The following DIXDC1 variants were observed in gnomAD, a reference collection of about 807,000 sequenced individuals.
DIXDC1 encodes the protein dixin.
A neutral mutation model predicts 103.1 loss-of-function variants in DIXDC1; 64 were observed. That is an observed-to-expected ratio of 0.62 (90% CI 0.51 to 0.76). The LOEUF (loss-of-function observed/expected upper bound fraction) is 0.76, where lower values mean the gene tolerates loss of function less well. Ranked by LOEUF, DIXDC1 falls within the 30% of genes least tolerant of loss-of-function variation. The pLI, the probability that DIXDC1 is intolerant of heterozygous loss-of-function variation, is 0.00. For missense variants in DIXDC1, 759 were observed against 834.2 expected, an observed-to-expected ratio of 0.91 and a Z score of 1.11; for synonymous variants, 266 against 298.5, an observed-to-expected ratio of 0.89 and a Z score of 1.12.
At chr11:111,979,716 A>G (rs1482056577) in intron 5 of DIXDC1, among the ~76,000 whole-genome samples, 2 of 152,316 alleles carry the variant, frequency 1.3e-5, no homozygotes, top group South Asian at 2.1e-4. Flanking sequence ...ATCCCAGTAC[A>G]GAGGCTGAGG....
rs1302375912 is a variant in DIXDC1 at position 111,982,562 on chromosome 11, C to G, written c.918+75C>G. 2.0e-6 allele frequency: 3 copies of G among 1,504,524 alleles called. No individual in the cohort carries two copies. The African/African-American group carries it at 4.2e-5, about 21-fold the overall frequency. 93.2% of individuals were successfully genotyped at this position (1,504,524 alleles called of 1,614,324 possible). A position where few individuals can be genotyped will look rare whatever the true frequency, so the allele number is the denominator to read the frequency against. ...GTCAGTATTATCAATGGAAAATAAA[C>G]TGATTTTAGTTTTCTAGGAGGTCAG... is the stretch of plus-strand genomic sequence containing the variant. On this transcript the variant is annotated intron_variant, in intron 7 of 19. Coordinates refer to ENST00000440460, the MANE Select transcript of DIXDC1 (RefSeq NM_001037954.4).
chr11:111,986,449 C>T (rs1454818937), intron 8 of DIXDC1, among the ~76,000 whole-genome samples: 2 of 148,206 alleles, frequency 1.3e-5, no homozygotes, highest in Non-Finnish European at 3.0e-5. Flanking sequence ...ACTGCAACCT[C>T]TGCCTCCCGG....
chr11:111,995,706 C>G (rs1336356287), intron 16 of DIXDC1, 142 bp downstream of exon 16: 6 of 1,053,328 alleles, frequency 5.7e-6, no homozygotes, highest in African/African-American at 4.9e-5. Flanking sequence ...TGTTTTTTCT[C>G]TCAGTGGAAC....
At position 111,977,684 on chromosome 11, in the gene DIXDC1, A is replaced by T; in HGVS notation, c.656+2701A>T. Reference sequence around the variant, plus strand: ...TTTTCCAGCCCCAGCGCGGGGAGACATGCCTGAATTTGGGAGCGATGTGAC... The same window carrying T: ...TTTTCCAGCCCCAGCGCGGGGAGACTTGCCTGAATTTGGGAGCGATGTGAC... On this transcript the variant is annotated intron_variant, in intron 5 of 19. Coordinates refer to ENST00000440460, the MANE Select transcript of DIXDC1 (RefSeq NM_001037954.4). The surrounding 1 kb of genome is among the most constrained non-coding windows in gnomAD (Gnocchi z 6.1). 1 of 1,545,914 alleles carries T rather than the reference A, an allele frequency of 6.5e-7. No homozygotes were observed. The highest frequency in any genetic ancestry group is 1.4e-5 in the African/African-American group (1 of 72,332).
upstream of DIXDC1, among the ~76,000 whole-genome samples, chr11:111,933,440 C>G (rs1966095848): frequency 6.6e-6 from 1 of 151,890 alleles, no homozygotes; most frequent in African/African-American, 2.4e-5. Flanking sequence ...CGGACCTTTT[C>G]TCTTTTTTTG....
chr11:111,941,223 G>A (rs1397362040), intron 1 of DIXDC1, among the ~76,000 whole-genome samples: 1 of 152,180 alleles, frequency 6.6e-6, no homozygotes, highest in Non-Finnish European at 1.5e-5. Flanking sequence ...TGAGATTGCA[G>A]TGAGCTAAGA....
intron 9 of DIXDC1, 147 bp from the exon 10 acceptor site, chr11:111,988,858 T>C (rs1384119683): frequency 1.6e-6 from 1 of 633,658 alleles, no homozygotes; most frequent in Non-Finnish European, 2.7e-6. Flanking sequence ...TACTGCTCAC[T>C]GAACCAGAGC....
At chr11:111,939,742 T>A (rs587624788) in intron 1 of DIXDC1, among the ~76,000 whole-genome samples, 1 of 152,336 alleles carries the variant, frequency 6.6e-6, no homozygotes, top group Admixed American at 6.5e-5. Context: ...TGAATAATAG[T>A]GTAATTGGTT....
rs782353247 is a variant in DIXDC1 at position 111,974,978 on chromosome 11, C to CT, written c.652dup (p.Ser218PhefsTer33). The CT allele has an allele frequency of 6.2e-7, 1 of 1,610,494 alleles. No individual in the cohort carries two copies. Among genetic ancestry groups the CT allele is most frequent in the South Asian group, 1.1e-5 (1 of 90,224 alleles). ...AAAGGTCCCCGTCTGAATCCAGCTG[C>CT]TCCAGGTAACTGTGGCCTCTGAAAC... On this transcript the variant is annotated frameshift_variant, in exon 5 of 20. Transcript: ENST00000440460. LOFTEE classifies it high-confidence loss of function.
intron 7 of DIXDC1, among the ~76,000 whole-genome samples, chr11:111,984,864 G>A (rs1173977568): frequency 1.3e-5 from 2 of 152,158 alleles, no homozygotes; most frequent in Non-Finnish European, 2.9e-5. Flanking sequence ...TTTCTAAGCC[G>A]TGATGATTCT....
upstream of DIXDC1, among the ~76,000 whole-genome samples, chr11:111,936,872 G>GTGTT (rs1966204117): frequency 6.6e-6 from 1 of 150,986 alleles, no homozygotes; most frequent in South Asian, 2.1e-4. Flanking sequence ...GTGTGTGTGT[G>GTGTT]TGTGTGTGTT....
chr11:112,015,799 CTTTTTTTTTTTT>C (rs782121271), intron 17 of DIXDC1, among the ~76,000 whole-genome samples: 2 of 47,034 alleles, frequency 4.3e-5, no homozygotes, highest in Non-Finnish European at 7.0e-5. Context: ...GAGACCCTGT[CTTTTTTTTTTTT>C]TTTTTTTTTT....
rs999579885 is a variant in DIXDC1 at position 111,976,950 on chromosome 11, G to C, written c.656+1967G>C. On this transcript the variant is annotated intron_variant, in intron 5 of 19. Coordinates refer to ENST00000440460, the MANE Select transcript of DIXDC1 (RefSeq NM_001037954.4). This position sits in a 1 kb window ranked among gnomAD's most constrained non-coding sequence, Gnocchi z 4.3. Reference sequence around the variant, plus strand: ...CCGAGGAGCGGCCAGAGCCCCATGCGGGCCTGACCTGTCCGACCGACCCCT... The same window carrying C: ...CCGAGGAGCGGCCAGAGCCCCATGCCGGCCTGACCTGTCCGACCGACCCCT... 1.3e-5 allele frequency: 2 copies of C among 152,548 alleles called. No individual in the cohort carries two copies. Among genetic ancestry groups the C allele is most frequent in the Non-Finnish European group, 2.9e-5 (2 of 68,118 alleles). The allele number at this position is 152,548 out of a possible 1,614,324, so 9.4% of individuals were successfully genotyped here.
chr11:112,015,710 G>A (rs1232560088), intron 17 of DIXDC1, among the ~76,000 whole-genome samples: 1 of 150,876 alleles, frequency 6.6e-6, no homozygotes, highest in Non-Finnish European at 1.5e-5. Flanking sequence ...GCTGAGGCAC[G>A]AGAATGACTT....
chr11:111,985,980 C>G (rs781794591), intron 8 of DIXDC1, among the ~76,000 whole-genome samples: 6 of 152,106 alleles, frequency 3.9e-5, no homozygotes, highest in Non-Finnish European at 7.4e-5. Context: ...TGAATCCTTT[C>G]CCTCTACATA....
At chr11:111,985,547 G>A (rs1860461851) in intron 8 of DIXDC1, among the ~76,000 whole-genome samples, 1 of 152,048 alleles carries the variant, frequency 6.6e-6, no homozygotes, top group Non-Finnish European at 1.5e-5. Flanking sequence ...TGGAGATATG[G>A]TAGTAACAAA....
At chr11:112,000,470 G>A (rs1414523671) in intron 17 of DIXDC1, among the ~76,000 whole-genome samples, 1 of 152,118 alleles carries the variant, frequency 6.6e-6, no homozygotes, top group African/African-American at 2.4e-5. Context: ...AGGCTGAGGT[G>A]GGCAGATCAT....
In DIXDC1 at chr11:111,968,618, T is replaced by C; in HGVS notation, c.296T>C (p.Met99Thr). 6.2e-7 allele frequency: 1 copy of C among 1,610,510 alleles called. No individual in the cohort carries two copies. Among genetic ancestry groups the C allele is most frequent in the Non-Finnish European group, 8.5e-7 (1 of 1,178,270 alleles). Reference protein sequence around the residue: ...LQFVASKKIRMHQTSAKDIVD... With the variant: ...LQFVASKKIRTHQTSAKDIVD... ...TTTGTGGCCTCTAAAAAGATTCGTATGCACCAGACTTCGGCTAAAGGTCAG... is the reference window on the plus strand; with the variant it reads ...TTTGTGGCCTCTAAAAAGATTCGTACGCACCAGACTTCGGCTAAAGGTCAG... Residue 99 changes from methionine to threonine, a missense_variant, in exon 3 of 20, where the codon ATG (methionine) becomes ACG (threonine). Met to Thr is a moderately conservative substitution (Grantham distance 81, BLOSUM62 -1). Around this residue, in one of 3 missense-constraint regions of DIXDC1, gnomAD observed 657 missense variants for 727.5 expected, o/e 0.90. Transcript: ENST00000440460.
At chr11:111,950,440 T>TA (rs1566474109) in intron 1 of DIXDC1, among the ~76,000 whole-genome samples, 17 of 7,184 alleles carry the variant, frequency 2.4e-3, no homozygotes, top group Admixed American at 3.0e-3. Context: ...ATATATATAT[T>TA]TTTTTTTTTT....
Sources: gnomAD v4.1 joint callset for allele counts (sites outside exome capture counted in the v4.1 genomes callset) on GRCh38, gnomAD v4.1.1 for gene constraint, gnomAD v4.1.1 regional missense constraint, Gnocchi (gnomAD v3.1) non-coding constraint, MANE v1.5 for transcripts, NCBI Gene and HGNC (gene_info 2026-07-23, HGNC 2026-07-21) for gene names.